Variants in TBL1X observed in about 807,000 individuals in gnomAD.
TBL1X encodes the protein F-box-like/WD repeat-containing protein TBL1X.
A neutral mutation model predicts 50.7 loss-of-function variants in TBL1X; 10 were observed. The ratio of observed to expected loss-of-function variants is 0.20; its 90% CI spans 0.12 to 0.33. The LOEUF is 0.33. Ranked by LOEUF, TBL1X falls within the 10% of genes least tolerant of loss-of-function variation. TBL1X has a pLI of 1.00. For missense variants in TBL1X, 340 were observed against 504.4 expected (o/e 0.67, Z 3.12); for synonymous variants, 190 against 214.7 (o/e 0.88, Z 1.01).
intron 1 of TBL1X, among the ~76,000 whole-genome samples, chrX:9,473,722 C>T (rs2081832034): frequency 8.9e-6 from 1 of 112,134 alleles, no homozygotes; most frequent in Non-Finnish European, 1.9e-5. Flanking sequence ...GAAGAAAATA[C>T]CAGATTCAGC....
At position 9,715,003 on chromosome X, in the gene TBL1X, T is replaced by C; in HGVS notation, c.1707T>C (p.Ser569=). ...TGGGTGCCAGCGCGTCCGACGGCTC[T>C]GTAAGCAACACCTCTGGTTTGCTGG... ...DKVGASASDG[S]VCVLDLRK Residue 569 remains serine, a splice_region_variant and synonymous_variant, in exon 17 of 18, where the codon TCT becomes TCC. Coordinates refer to ENST00000645353, the MANE Select transcript of TBL1X (RefSeq NM_005647.4). The C allele has an allele frequency of 8.3e-7, 1 of 1,208,607 alleles. No individual in the cohort carries two copies. The highest frequency in any genetic ancestry group is 1.7e-5 in the African/African-American group (1 of 57,843).
intron 2 of TBL1X, among the ~76,000 whole-genome samples, chrX:9,600,641 T>TG (rs2082552001): frequency 9.0e-6 from 1 of 111,420 alleles, no homozygotes; most frequent in Non-Finnish European, 1.9e-5. Flanking sequence ...CAAACAAAAT[T>TG]GGAGAGGACC....
Position 9,700,492 on chromosome X carries a change from G to A in TBL1X, c.1114+3063G>A, listed in dbSNP as rs189347309. On this transcript the variant is annotated intron_variant, in intron 12 of 17. Coordinates refer to ENST00000645353, the MANE Select transcript of TBL1X (RefSeq NM_005647.4). ...TCTGAATTGCGTGAGCTTCTCACCT[G>A]TGATCTGGCTGGCCATGAGGTAGAC... Among the ~76,000 whole-genome samples, 151 of 112,166 alleles carry A rather than the reference G, an allele frequency of 1.3e-3. 2 individuals carry two copies. Among genetic ancestry groups the A allele is most frequent in the African/African-American group, 4.8e-3 (147 of 30,889 alleles).
chrX:9,563,618 G>A (rs911386344), intron 2 of TBL1X, among the ~76,000 whole-genome samples: 2 of 112,522 alleles, frequency 1.8e-5, no homozygotes, highest in Non-Finnish European at 3.7e-5. Flanking sequence ...GAGTATTTAA[G>A]CTTAACTAAG....
chrX:9,653,548 C>T lies in TBL1X; in HGVS notation c.-39C>T. 1 of 1,111,254 alleles carries T rather than the reference C, an allele frequency of 9.0e-7. No homozygotes were observed. Among genetic ancestry groups the T allele is most frequent in the South Asian group, 2.0e-5 (1 of 49,945 alleles). 91.6% of individuals were successfully genotyped at this position (1,111,254 alleles called of 1,213,427 possible). On this transcript the variant is annotated 5_prime_UTR_variant, in exon 4 of 18. Transcript: ENST00000645353. Reference sequence around the variant, plus strand: ...CTGTGTTCTGGTTTTCCACCAGGAGCCCTGGCCTCCTTGCAGAAACATCGA... The same window carrying T: ...CTGTGTTCTGGTTTTCCACCAGGAGTCCTGGCCTCCTTGCAGAAACATCGA...
chrX:9,625,467 G>A (rs1426128660), intron 2 of TBL1X, among the ~76,000 whole-genome samples: 1 of 111,962 alleles, frequency 8.9e-6, no homozygotes, highest in East Asian at 2.8e-4. Context: ...GGATTTAGCC[G>A]AGAACAGCCT....
chrX:9,563,916 C>T (rs1389026392), intron 2 of TBL1X, among the ~76,000 whole-genome samples: 3 of 112,444 alleles, frequency 2.7e-5, no homozygotes, highest in Admixed American at 9.4e-5. Context: ...ATTGTCATGA[C>T]ATATTAGAAC....
intron 1 of TBL1X, among the ~76,000 whole-genome samples, chrX:9,495,637 C>T (rs762777516): frequency 9.0e-6 from 1 of 111,343 alleles, no homozygotes; most frequent in African/African-American, 3.3e-5. Flanking sequence ...TCTGTTGGTT[C>T]CTTTACATTG....
chrX:9,627,331 A>G (rs2082697697), intron 2 of TBL1X, among the ~76,000 whole-genome samples: 1 of 112,017 alleles, frequency 8.9e-6, no homozygotes, highest in Non-Finnish European at 1.9e-5. Flanking sequence ...CTAAGAATCT[A>G]TGAATCTGAA....
In TBL1X at chrX:9,638,037, A is replaced by C. The variant is rs145798501; in HGVS notation, c.-130-2236A>C. On this transcript the variant is annotated intron_variant, in intron 2 of 17. Coordinates refer to ENST00000645353, the MANE Select transcript of TBL1X (RefSeq NM_005647.4). The stretch of plus-strand genomic sequence containing the variant: ...ACAGTGTTTGAATTCAGTGTTTTGA[A>C]GAGATGTATGTAGCACTGCAAGCTC... 506 of 111,540 alleles carry C rather than the reference A, an allele frequency of 4.5e-3. 3 individuals carry two copies. The highest frequency in any genetic ancestry group is 0.016 in the African/African-American group (480 of 30,700). The allele number at this position is 111,540 out of a possible 1,213,427, so 9.2% of individuals were successfully genotyped here. A position where few individuals can be genotyped will look rare whatever the true frequency, so the allele number is the denominator to read the frequency against.
chrX:9,605,100 G>A (rs1462316031), intron 2 of TBL1X, among the ~76,000 whole-genome samples: 2 of 110,431 alleles, frequency 1.8e-5, no homozygotes, highest in Admixed American at 1.9e-4. Context: ...GCTTCACGTG[G>A]TAAACAGGAG....
intron 5 of TBL1X, among the ~76,000 whole-genome samples, chrX:9,663,780 A>G (rs1264110688): frequency 9.3e-6 from 1 of 107,381 alleles, no homozygotes; most frequent in African/African-American, 3.5e-5. Context: ...AAAAAAAAAA[A>G]GGAAGAAGAT....
intron 2 of TBL1X, among the ~76,000 whole-genome samples, chrX:9,507,764 A>T (rs2082033562): frequency 9.0e-6 from 1 of 111,660 alleles, no homozygotes; most frequent in African/African-American, 3.3e-5. Context: ...GTGGACCAGA[A>T]CAGAGACCTC....
intron 2 of TBL1X, among the ~76,000 whole-genome samples, chrX:9,593,499 C>T (rs1338853562): frequency 9.0e-6 from 1 of 110,920 alleles, no homozygotes; most frequent in Non-Finnish European, 1.9e-5. Flanking sequence ...CAGATCTGAG[C>T]TTCCTGTTAC....
intron 2 of TBL1X, among the ~76,000 whole-genome samples, chrX:9,598,344 A>G (rs779179591): frequency 8.9e-6 from 1 of 112,286 alleles, no homozygotes; most frequent in African/African-American, 3.2e-5. Flanking sequence ...CAACTCTTCA[A>G]CTTACAGAAA....
chrX:9,707,035 C>T (rs889064698), intron 13 of TBL1X, among the ~76,000 whole-genome samples: 4 of 111,838 alleles, frequency 3.6e-5, no homozygotes, highest in Non-Finnish European at 5.7e-5. Flanking sequence ...TCCCAGAAAA[C>T]GCAGAGTGCA....
chrX:9,653,723 G>A (rs770962413), intron 4 of TBL1X, 34 bp downstream of exon 4: 14 of 1,139,772 alleles, frequency 1.2e-5, no homozygotes, highest in Non-Finnish European at 1.4e-5. Context: ...AGGACCGTGT[G>A]GTCACTCTTT....
intron 2 of TBL1X, among the ~76,000 whole-genome samples, chrX:9,576,075 G>A (rs2082410029): frequency 8.9e-6 from 1 of 112,084 alleles, no homozygotes; most frequent in Non-Finnish European, 1.9e-5. Context: ...TGTCTATTTT[G>A]TAAAGATCTT....
intron 2 of TBL1X, among the ~76,000 whole-genome samples, chrX:9,595,539 C>T (rs1471150584): frequency 8.9e-6 from 1 of 111,838 alleles, no homozygotes. Context: ...AGTCGGCTTG[C>T]GTGGCTCCTG....
Sources: gnomAD v4.1 joint callset for allele counts (sites outside exome capture counted in the v4.1 genomes callset) on GRCh38, gnomAD v4.1.1 for gene constraint, MANE v1.5 for transcripts, NCBI Gene and HGNC (gene_info 2026-07-23, HGNC 2026-07-21) for gene names.